BNIP3L: variants seen among roughly 807,000 people sequenced by gnomAD.
BNIP3L encodes BCL2 interacting protein 3 like, also known as BCL2/adenovirus E1B 19 kDa protein-interacting protein 3-like.
Under a neutral mutation model 25.5 loss-of-function variants are expected in BNIP3L, and 10 were observed. The observed-to-expected ratio is 0.39, with a 90% confidence interval of 0.24 to 0.67. BNIP3L has a LOEUF of 0.67. Ranked by LOEUF, BNIP3L falls within the 30% of genes least tolerant of loss-of-function variation. The probability of loss-of-function intolerance (pLI) is 0.45; values close to 1 mark genes in which losing one functional copy is unlikely to be tolerated. For missense variants in BNIP3L, 215 were observed against 270.9 expected (o/e 0.79, Z 1.45); for synonymous variants, 113 against 101.2 (o/e 1.12, Z -0.70).
chr8:26,389,706 T>C (rs62490972), intron 1 of BNIP3L, among the ~76,000 whole-genome samples: 2,381 of 152,316 alleles, frequency 0.016, 23 homozygotes, highest in Middle Eastern at 0.048. Flanking sequence ...CCCGGTGTTA[T>C]TATTATCTCT....
intron 5 of BNIP3L, 96 bp downstream of exon 5, chr8:26,408,472 A>C (rs1806548213): frequency 7.2e-7 from 1 of 1,380,450 alleles, no homozygotes; most frequent in Admixed American, 2.2e-5. Flanking sequence ...TTATTGCTTT[A>C]CTTTCAATGT....
chr8:26,404,873 C>T (rs1034664735), intron 3 of BNIP3L, among the ~76,000 whole-genome samples: 5 of 152,174 alleles, frequency 3.3e-5, no homozygotes, highest in East Asian at 1.9e-4. Flanking sequence ...ACAAATCTTA[C>T]GTAATTAGAT....
At chr8:26,392,450 G>A (rs183039144) in intron 2 of BNIP3L, among the ~76,000 whole-genome samples, 15 of 152,190 alleles carry the variant, frequency 9.9e-5, no homozygotes, top group Non-Finnish European at 2.1e-4. Flanking sequence ...CTTATCAGAA[G>A]AAGTGAAAAA....
rs1806641400 is a variant in BNIP3L, at chr8:26,412,139, C to T, written c.*1727C>T. On this transcript the variant is annotated 3_prime_UTR_variant, in exon 6 of 6. Transcript: ENST00000380629. Reference sequence around the variant, plus strand: ...CATTTGATGTCTAAATAATTTTGGACATCTTTTTCCTAGACCATGTTTCTG... The same window carrying T: ...CATTTGATGTCTAAATAATTTTGGATATCTTTTTCCTAGACCATGTTTCTG... 1 of 152,032 alleles carries T rather than the reference C, an allele frequency of 6.6e-6. No individual in the cohort carries two copies. Among genetic ancestry groups the T allele is most frequent in the African/African-American group, 2.4e-5 (1 of 41,414 alleles). 9.4% of individuals were successfully genotyped at this position (152,032 alleles called of 1,614,324 possible). A position where few individuals can be genotyped will look rare whatever the true frequency, so the allele number is the denominator to read the frequency against.
rs780419539 is a variant in BNIP3L, at chr8:26,410,439, G to C, written c.*27G>C. ...GGAAAGGAAAAGCCCCTGGAAATGC[G>C]TGTGACCTGTGAAGTGGTGTATTGT... On this transcript the variant is annotated 3_prime_UTR_variant, in exon 6 of 6. Transcript: ENST00000380629. 2 of 1,613,386 alleles carry C rather than the reference G, an allele frequency of 1.2e-6. No individual in the cohort carries two copies. The highest frequency in any genetic ancestry group is 1.7e-6 in the Non-Finnish European group (2 of 1,179,456).
At position 26,411,500 on chromosome 8, in the gene BNIP3L, A is replaced by G. The variant is rs1585443769; in HGVS notation, c.*1088A>G. On this transcript the variant is annotated 3_prime_UTR_variant, in exon 6 of 6. Coordinates refer to ENST00000380629, the MANE Select transcript of BNIP3L (RefSeq NM_004331.3). ...GGGAACAGTTGACAGCGTTCTGAAAAGATGCCATTTGTTTCCTTCTGATCT... is the reference window on the plus strand; with the variant it reads ...GGGAACAGTTGACAGCGTTCTGAAAGGATGCCATTTGTTTCCTTCTGATCT... The G allele has an allele frequency of 6.6e-6, 1 of 152,310 alleles. No homozygotes were observed. The highest frequency in any genetic ancestry group is 2.1e-4 in the South Asian group (1 of 4,824). 9.4% of individuals were successfully genotyped at this position (152,310 alleles called of 1,614,324 possible).
chr8:26,392,956 A>G (rs1806148718), intron 2 of BNIP3L, among the ~76,000 whole-genome samples: 1 of 152,050 alleles, frequency 6.6e-6, no homozygotes, highest in African/African-American at 2.4e-5. Flanking sequence ...GTGACTGAAT[A>G]TGCCTTCACC....
chr8:26,401,408 G>T (rs1292439286), intron 3 of BNIP3L, among the ~76,000 whole-genome samples: 1 of 151,190 alleles, frequency 6.6e-6, no homozygotes, highest in African/African-American at 2.4e-5. Flanking sequence ...ACACTCTGGG[G>T]ACTGTGGTGG....
chr8:26,392,459 A>G (rs1806135531), intron 2 of BNIP3L, among the ~76,000 whole-genome samples: 1 of 152,226 alleles, frequency 6.6e-6, no homozygotes, highest in Non-Finnish European at 1.5e-5. Context: ...AGAAGTGAAA[A>G]AAAGGAGAAA....
At chr8:26,385,816 G>A (rs1022252331) in intron 1 of BNIP3L, among the ~76,000 whole-genome samples, 1 of 152,144 alleles carries the variant, frequency 6.6e-6, no homozygotes. Context: ...GTGTGGGATA[G>A]GGTGAGCTTT....
At position 26,408,391 on chromosome 8, in the gene BNIP3L, A is replaced by C; in HGVS notation, c.611+15A>C. ...TTGGGGCTAGGGTAAGTACCGGTCA[A>C]CTCCTGAAGTTTTTTCCATTCATTT... On this transcript the variant is annotated intron_variant, in intron 5 of 5. Transcript: ENST00000380629. The C allele has an allele frequency of 6.3e-7, 1 of 1,595,012 alleles. No individual in the cohort carries two copies.
chr8:26,383,458 C>G (rs1233611570), intron 1 of BNIP3L: 26 of 1,297,020 alleles, frequency 2.0e-5, no homozygotes, highest in Non-Finnish European at 2.4e-5. Context: ...CGTTTGGGCT[C>G]GCGGTCCGGG....
At position 26,410,994 on chromosome 8, in the gene BNIP3L, C is replaced by G. The variant is rs908333579; in HGVS notation, c.*582C>G. 2 of 152,102 alleles carry G rather than the reference C, an allele frequency of 1.3e-5. No homozygotes were observed. Among genetic ancestry groups the G allele is most frequent in the African/African-American group, 4.8e-5 (2 of 41,358 alleles). 9.4% of individuals were successfully genotyped at this position (152,102 alleles called of 1,614,324 possible). A position where few individuals can be genotyped will look rare whatever the true frequency, so the allele number is the denominator to read the frequency against. On this transcript the variant is annotated 3_prime_UTR_variant, in exon 6 of 6. Coordinates refer to ENST00000380629, the MANE Select transcript of BNIP3L (RefSeq NM_004331.3). ...CAATAAAAAAAATATTTTAAACCAG[C>G]TTTGGAGCCACTTTTTTGTCTAAGC...
intron 3 of BNIP3L, 173 bp downstream of exon 3, chr8:26,395,475 A>G (rs1335657099): frequency 3.0e-6 from 2 of 657,254 alleles, no homozygotes; most frequent in Non-Finnish European, 4.9e-6. Context: ...CTCCTTTACA[A>G]CTAAGGATTT....
At chr8:26,388,708 T>TA (rs1490881613) in intron 1 of BNIP3L, among the ~76,000 whole-genome samples, 5 of 152,112 alleles carry the variant, frequency 3.3e-5, no homozygotes, top group Admixed American at 6.5e-5. Context: ...CAGTGGCTCA[T>TA]ACCTGTAAGC....
At position 26,409,216 on chromosome 8, in the gene BNIP3L, C is replaced by A. The variant is rs549493229; in HGVS notation, c.611+840C>A. Among the ~76,000 whole-genome samples, 10 of 152,098 alleles carry A rather than the reference C, an allele frequency of 6.6e-5. No homozygotes were observed. In the East Asian group the frequency reaches 1.7e-3, roughly 26 times the overall value. ...TAATTCATTAGTTTCTTAGCCACAT[C>A]TTTTAAATAAATTGCTTTTTTTCCT... On this transcript the variant is annotated intron_variant, in intron 5 of 5. Coordinates refer to ENST00000380629, the MANE Select transcript of BNIP3L (RefSeq NM_004331.3).
At chr8:26,383,613 G>A in intron 1 of BNIP3L, 1 of 455,326 alleles carries the variant, frequency 2.2e-6, no homozygotes, top group Non-Finnish European at 2.9e-6. Context: ...CCGGGATGGG[G>A]ACGTGCGGCG....
intron 2 of BNIP3L, among the ~76,000 whole-genome samples, chr8:26,394,063 A>AT (rs1319700054): frequency 6.6e-6 from 1 of 151,998 alleles, no homozygotes; most frequent in African/African-American, 2.4e-5. Context: ...AGCCCCAAAT[A>AT]TTTTTTATTT....
chr8:26,390,261 T>C lies in BNIP3L; in HGVS notation c.101-982T>C, dbSNP rs185291797. ...GAGCCACTGTACCTGGCCTCAACTCTTGTTAAAATTAAAGCACCTTAATAC... is the reference window on the plus strand; with the variant it reads ...GAGCCACTGTACCTGGCCTCAACTCCTGTTAAAATTAAAGCACCTTAATAC... On this transcript the variant is annotated intron_variant, in intron 1 of 5. Coordinates refer to ENST00000380629, the MANE Select transcript of BNIP3L (RefSeq NM_004331.3). 1,090 of 824,156 alleles carry C rather than the reference T, an allele frequency of 1.3e-3. 1 individual carries two copies. Among genetic ancestry groups the C allele is most frequent in the Non-Finnish European group, 1.5e-3 (1,036 of 683,204 alleles). 51.1% of individuals were successfully genotyped at this position (824,156 alleles called of 1,614,324 possible).
Sources: gnomAD v4.1 joint callset for allele counts (sites outside exome capture counted in the v4.1 genomes callset) on GRCh38, gnomAD v4.1.1 for gene constraint, MANE v1.5 for transcripts, NCBI Gene and HGNC (gene_info 2026-07-23, HGNC 2026-07-21) for gene names.